DGCR2: variants seen among roughly 807,000 people sequenced by gnomAD.
DGCR2 encodes the protein DiGeorge syndrome critical region gene 2.
In DGCR2, 24 loss-of-function variants were observed where a neutral mutation model predicts 51.6. The ratio of observed to expected loss-of-function variants is 0.47; its 90% CI spans 0.34 to 0.65. The LOEUF (loss-of-function observed/expected upper bound fraction) is 0.65. Among genes scored for constraint, DGCR2 ranks in the 30% least tolerant of loss-of-function variants. The pLI, the probability that DGCR2 is intolerant of heterozygous loss-of-function variation, is 0.01. For missense variants in DGCR2, 765 were observed against 772.1 expected, an observed-to-expected ratio of 0.99 and a Z score of 0.11; for synonymous variants, 340 against 315.4, an observed-to-expected ratio of 1.08 and a Z score of -0.82.
intron 1 of DGCR2, among the ~76,000 whole-genome samples, chr22:19,114,811 G>C (rs2083356411): frequency 6.6e-6 from 1 of 152,138 alleles, no homozygotes; most frequent in Non-Finnish European, 1.5e-5. Flanking sequence ...CCCAGGCAAG[G>C]AAGAGGGCAG....
In DGCR2 at chr22:19,084,951, G is replaced by A. The variant is rs1258376409; in HGVS notation, c.202+4417C>T. Reference sequence around the variant, plus strand: ...GTGTACCCAACAGCTCATTGAGAACGGGCCATGATGACAATGGTGGTTTTG... The same window carrying A: ...GTGTACCCAACAGCTCATTGAGAACAGGCCATGATGACAATGGTGGTTTTG... On this transcript the variant is annotated intron_variant, in intron 2 of 9. Transcript: ENST00000263196. 2.6e-5 allele frequency among the ~76,000 whole-genome samples: 4 copies of A among 152,170 alleles called. No homozygotes were observed. The East Asian group carries it at 7.7e-4, about 29-fold the overall frequency.
chr22:19,093,190 G>C (rs1447518743), intron 1 of DGCR2, among the ~76,000 whole-genome samples: 1 of 151,910 alleles, frequency 6.6e-6, no homozygotes, highest in Non-Finnish European at 1.5e-5. Flanking sequence ...GTGAAACCCT[G>C]TCTCTACTAA....
Position 19,039,079 on chromosome 22 carries a change from G to A in DGCR2, c.1439C>T (p.Pro480Leu). 1 of 1,613,226 alleles carries A rather than the reference G, an allele frequency of 6.2e-7. No individual in the cohort carries two copies. Among genetic ancestry groups the A allele is most frequent in the Non-Finnish European group, 8.5e-7 (1 of 1,179,986 alleles). Residue 480 changes from proline (P) to leucine (L), a missense_variant, in exon 10 of 10, where the codon CCT (proline) becomes CTT (leucine). Pro to Leu is a moderately conservative substitution (Grantham distance 98). This residue lies in a region of DGCR2 where 205 missense variants were observed against 181.4 expected (regional missense o/e 1.13). Coordinates refer to ENST00000263196, the MANE Select transcript of DGCR2 (RefSeq NM_005137.3). ...FEPVEVSLPA[P>L]GDGGSEGALL... Reference sequence around the variant, plus strand: ...TGCACCTTCACTCCCACCATCCCCAGGGGCTGGCAGGCTGACCTCCACAGG... The same window carrying A: ...TGCACCTTCACTCCCACCATCCCCAAGGGCTGGCAGGCTGACCTCCACAGG...
At chr22:19,120,167 T>C (rs2083417108) in intron 1 of DGCR2, among the ~76,000 whole-genome samples, 1 of 152,194 alleles carries the variant, frequency 6.6e-6, no homozygotes, top group African/African-American at 2.4e-5. Flanking sequence ...GCTCCCGGGT[T>C]CTGCAGGGCA....
intron 1 of DGCR2, 130 bp from the exon 2 acceptor site, chr22:19,089,620 C>T (rs1305834647): frequency 8.8e-7 from 1 of 1,136,864 alleles, no homozygotes; most frequent in African/African-American, 1.6e-5. Flanking sequence ...CATTCTGTCA[C>T]CCAGGCTGGA....
rs778022686 is a variant in DGCR2, at chr22:19,041,916, C to G, written c.1050G>C (p.Leu350=). ...GGAAGGAGGAGATGCAGCTGACGAC[C>G]AGGCGCATCCCGCTGGCCATGGAGT... The part of the protein sequence containing the change: ...LFDSMASGMR[L]VVSCISSFLI... Residue 350 remains leucine, a synonymous_variant, in exon 8 of 10, where the codon CTG becomes CTC. Coordinates refer to ENST00000263196, the MANE Select transcript of DGCR2 (RefSeq NM_005137.3). The G allele has an allele frequency of 3.5e-5, 56 of 1,613,520 alleles. No homozygotes were observed. The highest frequency in any genetic ancestry group is 4.7e-5 in the Non-Finnish European group (55 of 1,179,956).
chr22:19,054,393 T>G (rs2082579586), intron 6 of DGCR2, among the ~76,000 whole-genome samples: 1 of 152,224 alleles, frequency 6.6e-6, no homozygotes, highest in Non-Finnish European at 1.5e-5. Flanking sequence ...CCTTGTATTA[T>G]TCTGCCTTTT....
At chr22:19,084,714 T>TG (rs1388342377) in intron 2 of DGCR2, among the ~76,000 whole-genome samples, 1 of 79,736 alleles carries the variant, frequency 1.3e-5, no homozygotes, top group Admixed American at 1.2e-4. Flanking sequence ...GGGAGGGAGG[T>TG]GGGGGGTCAG....
In DGCR2 at chr22:19,057,551, G is replaced by C. The variant is rs552565929; in HGVS notation, c.626-389C>G. 3.9e-5 allele frequency among the ~76,000 whole-genome samples: 6 copies of C among 152,328 alleles called. No individual in the cohort carries two copies. The South Asian group carries it at 1.2e-3, about 32-fold the overall frequency. On this transcript the variant is annotated intron_variant, in intron 5 of 9. Coordinates refer to ENST00000263196, the MANE Select transcript of DGCR2 (RefSeq NM_005137.3). This position sits in a 1 kb window ranked among gnomAD's most constrained non-coding sequence, Gnocchi z 5.1. The stretch of plus-strand genomic sequence containing the variant: ...AATGCAAACAGGGGAATGGGCAAGG[G>C]AAACAGGCAGGGAAGCTCTCCCTTA...
chr22:19,074,091 G>A (rs2082846892), intron 2 of DGCR2, among the ~76,000 whole-genome samples: 1 of 152,148 alleles, frequency 6.6e-6, no homozygotes, highest in Non-Finnish European at 1.5e-5. Flanking sequence ...TGAATCTACA[G>A]GATTCACACC....
At chr22:19,086,466 G>A (rs755641521) in intron 2 of DGCR2, among the ~76,000 whole-genome samples, 100 of 152,068 alleles carry the variant, frequency 6.6e-4, no homozygotes, top group Non-Finnish European at 1.0e-3. Flanking sequence ...GCAACAAAGC[G>A]AGACTCCATC....
At chr22:19,063,326 G>C (rs774061042) in intron 4 of DGCR2, 48 bp from the exon 5 acceptor site, 1 of 1,556,538 alleles carries the variant, frequency 6.4e-7, no homozygotes, top group Non-Finnish European at 8.8e-7. Context: ...CAGGAGGGAT[G>C]CAACCATCAA....
intron 7 of DGCR2, among the ~76,000 whole-genome samples, chr22:19,044,494 G>A (rs1321991710): frequency 6.6e-6 from 1 of 152,224 alleles, no homozygotes; most frequent in African/African-American, 2.4e-5. Flanking sequence ...CTGAGACCAG[G>A]AACCCAATGT....
rs753497712 is a variant in DGCR2 at position 19,041,904 on chromosome 22, G to A, written c.1062C>T (p.Cys354=). Residue 354 remains cysteine (C), a synonymous_variant, in exon 8 of 10, where the codon TGC becomes TGT. Transcript: ENST00000263196. ...GTGACAGGATGAGGAAGGAGGAGAT[G>A]CAGCTGACGACCAGGCGCATCCCGC... ...MASGMRLVVS[C]ISSFLILSLL... is the part of the protein sequence containing the mutation. 1.9e-6 allele frequency: 3 copies of A among 1,613,624 alleles called. No individual in the cohort carries two copies. Among genetic ancestry groups the A allele is most frequent in the Admixed American group, 1.7e-5 (1 of 59,990 alleles).
chr22:19,091,313 C>A (rs1226012948), intron 1 of DGCR2, among the ~76,000 whole-genome samples: 6 of 152,128 alleles, frequency 3.9e-5, no homozygotes, highest in African/African-American at 1.4e-4. Flanking sequence ...GAGCTATAAT[C>A]GTGCTACTGC....
intron 2 of DGCR2, among the ~76,000 whole-genome samples, chr22:19,075,799 T>C (rs951059610): frequency 7.9e-5 from 12 of 152,234 alleles, no homozygotes; most frequent in African/African-American, 2.4e-4. Flanking sequence ...ACTGGATGGA[T>C]AGACTACCTT....
At chr22:19,083,531 TAA>T (rs1161636482) in intron 2 of DGCR2, among the ~76,000 whole-genome samples, 3 of 152,234 alleles carry the variant, frequency 2.0e-5, no homozygotes, top group Non-Finnish European at 1.5e-5. Context: ...TATGAGTTTT[TAA>T]AAGATTCGGT....
intron 2 of DGCR2, among the ~76,000 whole-genome samples, chr22:19,071,002 C>T (rs2082808387): frequency 6.6e-6 from 1 of 152,230 alleles, no homozygotes; most frequent in South Asian, 2.1e-4. Flanking sequence ...CCTCTCAGGC[C>T]TGCCTCTGAC....
At chr22:19,056,566 A>AAC (rs1555902462) in intron 6 of DGCR2, 69,431 of 331,914 alleles carry the variant, frequency 0.21, 7,932 homozygotes, top group African/African-American at 0.42. Flanking sequence ...AAAAAAAAAA[A>AAC]ACACACACAC....
Sources: allele counts gnomAD v4.1 joint callset (sites outside exome capture counted in the v4.1 genomes callset), GRCh38; gene constraint gnomAD v4.1.1; regional missense constraint gnomAD v4.1.1; non-coding constraint Gnocchi (gnomAD v3.1); transcripts MANE v1.5; gene names NCBI Gene and HGNC (gene_info 2026-07-23, HGNC 2026-07-21).